The following RYR2 variants were observed in gnomAD, a reference collection of about 807,000 sequenced individuals.
RYR2 encodes cardiac muscle ryanodine receptor-calcium release channel.
RYR2 carries 227 observed loss-of-function variants against 601.1 expected under a neutral mutation model. The ratio of observed to expected loss-of-function variants is 0.38; its 90% CI spans 0.34 to 0.42. The LOEUF (loss-of-function observed/expected upper bound fraction) is 0.42, where lower values mean the gene tolerates loss of function less well. Ranked by LOEUF, RYR2 falls within the 10% of genes least tolerant of loss-of-function variation. The pLI, the probability that RYR2 is intolerant of heterozygous loss-of-function variation, is 1.00. For synonymous variants in RYR2, 2,223 were observed against 2,175.1 expected, an observed-to-expected ratio of 1.02 and a Z score of -0.61; for missense variants, 4,646 against 6,156.5, an observed-to-expected ratio of 0.75 and a Z score of 8.21.
intron 1 of RYR2, among the ~76,000 whole-genome samples, chr1:237,238,746 A>G (rs1685849906): frequency 1.3e-5 from 2 of 152,200 alleles, no homozygotes; most frequent in African/African-American, 4.8e-5. Context: ...CCTGTGGGTC[A>G]CCTTAGATCT....
At chr1:237,506,339 CA>C (rs1346389636) in intron 22 of RYR2, among the ~76,000 whole-genome samples, 1 of 152,086 alleles carries the variant, frequency 6.6e-6, no homozygotes, top group Non-Finnish European at 1.5e-5. Flanking sequence ...AGATCGAAAC[CA>C]TCCTGGCTAA....
chr1:237,756,388 G>A lies in RYR2; in HGVS notation c.11245+1G>A, dbSNP rs1250691780. 2 of 1,605,176 alleles carry A rather than the reference G, an allele frequency of 1.2e-6. No homozygotes were observed. The highest frequency in any genetic ancestry group is 1.3e-5 in the African/African-American group (1 of 74,604). ...CTACAGACAATCAGTGCCAGCAAAGGTAAGGTTCCTTGAGTTCCCCTCACG... is the reference window on the plus strand; with the variant it reads ...CTACAGACAATCAGTGCCAGCAAAGATAAGGTTCCTTGAGTTCCCCTCACG... On this transcript the variant is annotated splice_donor_variant, in intron 81 of 104. Transcript: ENST00000366574. LOFTEE classifies it high-confidence loss of function.
In RYR2 at chr1:237,525,333, A is replaced by T. The variant is rs78896246; in HGVS notation, c.2823-5094A>T. Among the ~76,000 whole-genome samples the T allele has an allele frequency of 3.4e-3, 514 of 152,262 alleles. 4 individuals carry two copies. The highest frequency in any genetic ancestry group is 0.012 in the African/African-American group (485 of 41,556). On this transcript the variant is annotated intron_variant, in intron 24 of 104. Coordinates refer to ENST00000366574, the MANE Select transcript of RYR2 (RefSeq NM_001035.3). ...GTGGCTGTATAGTTTTCCATGGTGT[A>T]TATGTACCATATTTTCTTTTTGCAG... is the stretch of plus-strand genomic sequence containing the variant.
chr1:237,537,154 C>A (rs1404655114), intron 25 of RYR2, among the ~76,000 whole-genome samples: 1 of 152,140 alleles, frequency 6.6e-6, no homozygotes, highest in Non-Finnish European at 1.5e-5. Context: ...TTAGCCTAAT[C>A]TTATAAGACC....
chr1:237,577,555 AG>A (rs1673402448), intron 29 of RYR2, among the ~76,000 whole-genome samples: 1 of 147,470 alleles, frequency 6.8e-6, no homozygotes, highest in Non-Finnish European at 1.5e-5. Context: ...TGTGTTTGAG[AG>A]AGAGAGAGAG....
chr1:237,148,553 T>TATATATATATATATACAC (rs71178397), intron 1 of RYR2, among the ~76,000 whole-genome samples: 2 of 105,686 alleles, frequency 1.9e-5, no homozygotes, highest in African/African-American at 4.0e-5. Flanking sequence ...TATATATATA[T>TATATATATATATATACAC]ACACACACAC....
chr1:237,308,121 T>A (rs1286076258), intron 2 of RYR2, among the ~76,000 whole-genome samples: 1 of 152,194 alleles, frequency 6.6e-6, no homozygotes, highest in African/African-American at 2.4e-5. Context: ...GGGAAAAAAT[T>A]AATAATGTTT....
intron 92 of RYR2, among the ~76,000 whole-genome samples, chr1:237,788,547 C>T (rs1368758520): frequency 6.6e-6 from 1 of 152,102 alleles, no homozygotes; most frequent in Non-Finnish European, 1.5e-5. Context: ...TATAACATCA[C>T]CGTTTTACTT....
At chr1:237,216,489 G>A (rs1683165600) in intron 1 of RYR2, among the ~76,000 whole-genome samples, 1 of 152,086 alleles carries the variant, frequency 6.6e-6, no homozygotes, top group South Asian at 2.1e-4. Context: ...TGTAATCCCA[G>A]CACTTTGAGA....
At chr1:237,631,007 A>G (rs1048505242) in intron 41 of RYR2, among the ~76,000 whole-genome samples, 5 of 152,190 alleles carry the variant, frequency 3.3e-5, no homozygotes, top group African/African-American at 1.2e-4. Flanking sequence ...TAACAACAGC[A>G]TATATAAATA....
At chr1:237,823,548 A>C (rs1005395127) in intron 101 of RYR2, among the ~76,000 whole-genome samples, 1 of 152,216 alleles carries the variant, frequency 6.6e-6, no homozygotes, top group Non-Finnish European at 1.5e-5. Context: ...AGGGAAACTT[A>C]TAGCACTAAA....
rs1360751290 is a variant in RYR2 at position 237,441,401 on chromosome 1, T to C, written c.1088T>C (p.Ile363Thr). The C allele has an allele frequency of 1.2e-6, 2 of 1,613,612 alleles. No individual in the cohort carries two copies. Among genetic ancestry groups the C allele is most frequent in the Non-Finnish European group, 1.7e-6 (2 of 1,179,690 alleles). ...EIKYGDSVCYIQHVDTGLWLT... is the reference protein window; with the variant it reads ...EIKYGDSVCYTQHVDTGLWLT... ...AAATACGGTGACTCAGTATGCTATA[T>C]ACAACATGTAGACACAGGCCTATGG... The change falls in exon 13 of 105, where the codon ATA becomes ACA. Residue 363 changes from isoleucine (I) to threonine (T), a missense_variant. This residue lies in a region of RYR2 where 1,807 missense variants were observed against 2,088.1 expected (regional missense o/e 0.87). Coordinates refer to ENST00000366574, the MANE Select transcript of RYR2 (RefSeq NM_001035.3).
At chr1:237,501,052 G>A (rs1394656928) in intron 21 of RYR2, 149 bp downstream of exon 21, 2 of 738,690 alleles carry the variant, frequency 2.7e-6, no homozygotes, top group Non-Finnish European at 4.5e-6. Flanking sequence ...TGCCTTGAAG[G>A]AGGAGGTAAG....
intron 23 of RYR2, 82 bp downstream of exon 23, chr1:237,506,896 G>A: frequency 8.9e-7 from 1 of 1,119,076 alleles, no homozygotes; most frequent in Non-Finnish European, 1.3e-6. Flanking sequence ...TTCCCGCTAT[G>A]GGGTGACATC....
chr1:237,155,493 A>G (rs1241335852), intron 1 of RYR2, among the ~76,000 whole-genome samples: 1 of 152,100 alleles, frequency 6.6e-6, no homozygotes, highest in East Asian at 1.9e-4. Flanking sequence ...AAGAAAGGGG[A>G]AATTAGATTC....
chr1:237,264,445 A>T (rs1183522059), intron 1 of RYR2, among the ~76,000 whole-genome samples: 4 of 152,138 alleles, frequency 2.6e-5, no homozygotes, highest in Non-Finnish European at 5.9e-5. Context: ...GGAAGGCAAC[A>T]TTTCTTCACT....
At position 237,327,655 on chromosome 1, in the gene RYR2, A is replaced by G. The variant is rs772543576; in HGVS notation, c.169-3223A>G. 3.9e-5 allele frequency among the ~76,000 whole-genome samples: 6 copies of G among 152,230 alleles called. No homozygotes were observed. In the South Asian group the frequency reaches 6.2e-4, roughly 16 times the overall value. ...AGAATCCATGCAAGAACCGATTTTA[A>G]GAAACAAGTGGTGCTTCATCATTTC... On this transcript the variant is annotated intron_variant, in intron 2 of 104. Transcript: ENST00000366574.
chr1:237,628,268 G>T (rs1360358584), intron 41 of RYR2, among the ~76,000 whole-genome samples, 188 bp downstream of exon 41: 1 of 151,606 alleles, frequency 6.6e-6, no homozygotes, highest in Non-Finnish European at 1.5e-5. Flanking sequence ...TGTGCACAAT[G>T]TGCAGGTTAG....
chr1:237,827,425 A>C (rs1238316756), intron 101 of RYR2, among the ~76,000 whole-genome samples: 1 of 152,098 alleles, frequency 6.6e-6, no homozygotes, highest in Non-Finnish European at 1.5e-5. Context: ...GCTTGAGCCC[A>C]GGAGTTTGAG....
Sources: allele counts gnomAD v4.1 joint callset (sites outside exome capture counted in the v4.1 genomes callset), GRCh38; gene constraint gnomAD v4.1.1; regional missense constraint gnomAD v4.1.1; transcripts MANE v1.5; gene names NCBI Gene and HGNC (gene_info 2026-07-23, HGNC 2026-07-21).